Variants in USP32 observed in about 807,000 individuals in gnomAD.
USP32 encodes the protein ubiquitin carboxyl-terminal hydrolase 32.
A neutral mutation model predicts 204.8 loss-of-function variants in USP32; 59 were observed. The ratio of observed to expected loss-of-function variants is 0.29; its 90% CI spans 0.23 to 0.36. The LOEUF is 0.36. Ranked by LOEUF, USP32 falls within the 10% of genes least tolerant of loss-of-function variation. The pLI is 1.00. For missense variants in USP32, 1,160 were observed against 1,946.4 expected, an observed-to-expected ratio of 0.60 and a Z score of 7.60; for synonymous variants, 517 against 678.4, an observed-to-expected ratio of 0.76 and a Z score of 3.70.
chr17:60,256,257 AC>A (rs2086301043), intron 9 of USP32, among the ~76,000 whole-genome samples: 1 of 152,026 alleles, frequency 6.6e-6, no homozygotes, highest in Non-Finnish European at 1.5e-5. Context: ...AAAAACAAAA[AC>A]TCATTTTTGT....
intron 1 of USP32, among the ~76,000 whole-genome samples, chr17:60,360,508 A>C (rs1478773129): frequency 6.6e-6 from 1 of 151,712 alleles, no homozygotes; most frequent in Admixed American, 6.6e-5. Context: ...AAAATACAAA[A>C]GTTAGCCAGG....
chr17:60,385,619 A>G (rs1223223363), intron 1 of USP32, among the ~76,000 whole-genome samples: 2 of 152,176 alleles, frequency 1.3e-5, no homozygotes, highest in African/African-American at 4.8e-5. Flanking sequence ...GCGTAGGTGG[A>G]TAACTTGAGG....
At position 60,207,236 on chromosome 17, in the gene USP32, G is replaced by A. The variant is rs553165584; in HGVS notation, c.2926-104C>T. On this transcript the variant is annotated intron_variant, in intron 24 of 33. Transcript: ENST00000300896. Reference sequence around the variant, plus strand: ...AAGAATGTCTTAGGCGCTTTCATCCGTAAAACCAACGAGATGATTGAATAA... The same window carrying A: ...AAGAATGTCTTAGGCGCTTTCATCCATAAAACCAACGAGATGATTGAATAA... 1,106 of 1,459,152 alleles carry A rather than the reference G, an allele frequency of 7.6e-4. 2 individuals are homozygous for A. Among genetic ancestry groups the A allele is most frequent in the Middle Eastern group, 1.7e-3 (9 of 5,450 alleles). The allele number at this position is 1,459,152 out of a possible 1,614,324, so 90.4% of individuals were successfully genotyped here. A position where few individuals can be genotyped will look rare whatever the true frequency, so the allele number is the denominator to read the frequency against.
At chr17:60,240,086 T>C (rs1208072135) in intron 11 of USP32, among the ~76,000 whole-genome samples, 1 of 152,332 alleles carries the variant, frequency 6.6e-6, no homozygotes, top group Middle Eastern at 3.4e-3. Context: ...ATTAGCTCTT[T>C]GAACATATTT....
intron 26 of USP32, among the ~76,000 whole-genome samples, chr17:60,200,150 T>C (rs2084637978): frequency 6.6e-6 from 1 of 151,470 alleles, no homozygotes; most frequent in Non-Finnish European, 1.5e-5. Context: ...GCCGAGATCG[T>C]GCCATTGCAC....
intron 12 of USP32, among the ~76,000 whole-genome samples, chr17:60,227,211 T>C (rs2085416411): frequency 6.6e-6 from 1 of 151,832 alleles, no homozygotes; most frequent in South Asian, 2.1e-4. Context: ...TTAGCTGGAA[T>C]TTAATAATAT....
At chr17:60,357,773 C>CT (rs879372175) in intron 1 of USP32, among the ~76,000 whole-genome samples, 71 of 146,456 alleles carry the variant, frequency 4.8e-4, no homozygotes, top group Middle Eastern at 7.2e-3. Flanking sequence ...CATTTAGATA[C>CT]TTTTTTTTTT....
intron 2 of USP32, among the ~76,000 whole-genome samples, chr17:60,312,292 T>C (rs1166838553): frequency 6.6e-6 from 1 of 152,218 alleles, no homozygotes; most frequent in African/African-American, 2.4e-5. Flanking sequence ...AAAATATTTT[T>C]CCAGAGTAAA....
chr17:60,180,497 T>C (rs765648364), intron 33 of USP32, 48 bp downstream of exon 33: 1 of 1,575,576 alleles, frequency 6.3e-7, no homozygotes, highest in South Asian at 1.1e-5. Context: ...TCCCCAGTTC[T>C]GTTGATATTC....
At chr17:60,307,162 C>T (rs1026816051) in intron 2 of USP32, among the ~76,000 whole-genome samples, 4 of 150,450 alleles carry the variant, frequency 2.7e-5, no homozygotes, top group African/African-American at 9.8e-5. Context: ...TGCAGTGGCT[C>T]GATCTTGGCT....
intron 1 of USP32, among the ~76,000 whole-genome samples, chr17:60,390,233 C>T (rs986576898): frequency 2.6e-5 from 4 of 152,162 alleles, no homozygotes; most frequent in Non-Finnish European, 5.9e-5. Context: ...CAGGCTAGAG[C>T]TGAATACAAG....
intron 12 of USP32, among the ~76,000 whole-genome samples, chr17:60,234,096 C>T (rs1359973456): frequency 6.6e-6 from 1 of 151,812 alleles, no homozygotes; most frequent in Non-Finnish European, 1.5e-5. Flanking sequence ...ACTACAGGCG[C>T]ACACTACCAA....
intron 2 of USP32, among the ~76,000 whole-genome samples, chr17:60,304,123 T>C (rs2087660752): frequency 6.6e-6 from 1 of 151,818 alleles, no homozygotes; most frequent in Middle Eastern, 3.2e-3. Context: ...ACAAATCACA[T>C]TGAAACTTCT....
rs746276519 is a variant in USP32 at position 60,294,775 on chromosome 17, A to T, written c.319T>A (p.Ser107Thr). The T allele has an allele frequency of 6.2e-7, 1 of 1,610,818 alleles. No homozygotes were observed. The highest frequency in any genetic ancestry group is 1.7e-5 in the Admixed American group (1 of 59,702). Residue 107 changes from serine (S) to threonine (T), a missense_variant, in exon 4 of 34, where the codon TCT becomes ACT. Physicochemically the swap from Ser to Thr is moderately conservative, Grantham distance 58. This residue lies in a region of USP32 where 536 missense variants were observed against 680.9 expected (regional missense o/e 0.79). Transcript: ENST00000300896. ...KYIFSLFSSESGNYVIREEME... is the reference protein window; with the variant it reads ...KYIFSLFSSETGNYVIREEME... The stretch of plus-strand genomic sequence containing the variant: ...TCTTCCCGTATAACATAGTTCCCAG[A>T]TTCACTTGAAAAAAGACTAAAAATG...
chr17:60,341,159 C>T (rs1019914473), intron 2 of USP32, among the ~76,000 whole-genome samples: 1 of 152,082 alleles, frequency 6.6e-6, no homozygotes, highest in African/African-American at 2.4e-5. Context: ...TGGGGTTGCT[C>T]TTCTTGAGGA....
At position 60,265,402 on chromosome 17, in the gene USP32, C is replaced by T; in HGVS notation, c.990+10G>A. 1 of 1,578,052 alleles carries T rather than the reference C, an allele frequency of 6.3e-7. No homozygotes were observed. The highest frequency in any genetic ancestry group is 1.1e-5 in the South Asian group (1 of 89,604). On this transcript the variant is annotated intron_variant, in intron 9 of 33. Coordinates refer to ENST00000300896, the MANE Select transcript of USP32 (RefSeq NM_032582.4). ...TTAGAAAAAGATAAATTAGTTCTATCTAGACTCACCTTTGTGGTGTCATGT... is the reference window on the plus strand; with the variant it reads ...TTAGAAAAAGATAAATTAGTTCTATTTAGACTCACCTTTGTGGTGTCATGT...
chr17:60,232,168 CTTTTTTTTTT>C (rs58707657), intron 12 of USP32, among the ~76,000 whole-genome samples: 1 of 109,536 alleles, frequency 9.1e-6, no homozygotes, highest in African/African-American at 3.7e-5. Context: ...TTTTCTTTTT[CTTTTTTTTTT>C]TTTTTTTTTT....
At chr17:60,330,005 A>T (rs1178223227) in intron 2 of USP32, among the ~76,000 whole-genome samples, 1 of 152,210 alleles carries the variant, frequency 6.6e-6, no homozygotes, top group Non-Finnish European at 1.5e-5. Context: ...TAAAATAATT[A>T]AATAATTTCT....
intron 1 of USP32, among the ~76,000 whole-genome samples, chr17:60,386,845 A>C (rs1035152778): frequency 6.6e-6 from 1 of 152,236 alleles, no homozygotes; most frequent in African/African-American, 2.4e-5. Context: ...ACTAAAGATT[A>C]GTGAGGTGAA....
Sources: allele counts gnomAD v4.1 joint callset (sites outside exome capture counted in the v4.1 genomes callset), GRCh38; gene constraint gnomAD v4.1.1; regional missense constraint gnomAD v4.1.1; transcripts MANE v1.5; gene names NCBI Gene and HGNC (gene_info 2026-07-23, HGNC 2026-07-21).